The following ITPR2 variants were observed in gnomAD, a reference collection of about 807,000 sequenced individuals.
ITPR2 encodes inositol 1,4,5-trisphosphate-gated calcium channel ITPR2.
A neutral mutation model predicts 317.1 loss-of-function variants in ITPR2; 207 were observed. That is an observed-to-expected ratio of 0.65 (90% CI 0.58 to 0.73). The LOEUF is 0.73. ITPR2 is among the 30% of genes least tolerant of loss of function. ITPR2 has a pLI of 0.00. For missense variants in ITPR2, 2,613 were observed against 3,284.0 expected, an observed-to-expected ratio of 0.80 and a Z score of 4.99; for synonymous variants, 1,156 against 1,149.1, an observed-to-expected ratio of 1.01 and a Z score of -0.12.
chr12:26,373,351 CCT>C (rs1939242538), intron 55 of ITPR2, among the ~76,000 whole-genome samples: 1 of 152,192 alleles, frequency 6.6e-6, no homozygotes, highest in African/African-American at 2.4e-5. Context: ...CATAGGCCTA[CCT>C]AGTGCATCCA....
intron 9 of ITPR2, among the ~76,000 whole-genome samples, chr12:26,698,025 G>C (rs1034172374): frequency 6.6e-6 from 1 of 152,090 alleles, no homozygotes. Context: ...ATGATAATTA[G>C]AAAAAGAAAA....
chr12:26,810,045 T>G (rs1950707716), intron 1 of ITPR2, among the ~76,000 whole-genome samples: 1 of 152,262 alleles, frequency 6.6e-6, no homozygotes, highest in South Asian at 2.1e-4. Context: ...CGCAAGATGA[T>G]GGCATCTCCT....
At chr12:26,407,507 C>G (rs879633553) in intron 52 of ITPR2, among the ~76,000 whole-genome samples, 13 of 151,856 alleles carry the variant, frequency 8.6e-5, no homozygotes, top group Non-Finnish European at 1.5e-4. Flanking sequence ...GGGGTGGGGA[C>G]AAAATCAACT....
Position 26,724,665 on chromosome 12 carries a change from A to T in ITPR2, c.357T>A (p.Asn119Lys). The T allele has an allele frequency of 6.4e-7, 1 of 1,574,290 alleles. No homozygotes were observed. Among genetic ancestry groups the T allele is most frequent in the Non-Finnish European group, 8.7e-7 (1 of 1,146,614 alleles). ...AAGAGAAAATACTTACTTGTATAAC[A>T]TTACTGTATTTTACAATTTCTCCCA... Reference protein sequence around the residue: ...KLLGEIVKYSNVIQLLHIKSN... With the variant: ...KLLGEIVKYSKVIQLLHIKSN... The change falls in exon 4 of 57, where the codon AAT becomes AAA. Residue 119 changes from asparagine (N) to lysine (K), a missense_variant. Asn to Lys is a moderately conservative substitution (Grantham distance 94). Coordinates refer to ENST00000381340, the MANE Select transcript of ITPR2 (RefSeq NM_002223.4).
At position 26,343,430 on chromosome 12, in the gene ITPR2, T is replaced by C. The variant is rs1938201330; in HGVS notation, c.7858-3102A>G. Reference sequence around the variant, plus strand: ...TTAGTGTTTAATGGATGCAGACTATTAGCTGGAGAAGATGAGAAATTTCTG... The same window carrying C: ...TTAGTGTTTAATGGATGCAGACTATCAGCTGGAGAAGATGAGAAATTTCTG... On this transcript the variant is annotated intron_variant, in intron 55 of 56. Coordinates refer to ENST00000381340, the MANE Select transcript of ITPR2 (RefSeq NM_002223.4). 2.0e-5 allele frequency among the ~76,000 whole-genome samples: 3 copies of C among 152,232 alleles called. No homozygotes were observed. In the South Asian group the frequency reaches 6.2e-4, roughly 31 times the overall value.
At position 26,487,173 on chromosome 12, in the gene ITPR2, C is replaced by T; in HGVS notation, c.5449G>A (p.Ala1817Thr). Residue 1817 changes from alanine to threonine, a missense_variant, in exon 40 of 57, where the codon GCT becomes ACT. Transcript: ENST00000381340. ...FKVLYDRMKAAQKEIRSTVTV... is the reference protein window; with the variant it reads ...FKVLYDRMKATQKEIRSTVTV... ...ACTGTTGATCTTATTTCTTTCTGAGCAGCCTTCATTCGATCATAGAGAACT... is the reference window on the plus strand; with the variant it reads ...ACTGTTGATCTTATTTCTTTCTGAGTAGCCTTCATTCGATCATAGAGAACT... 2 of 1,613,204 alleles carry T rather than the reference C, an allele frequency of 1.2e-6. No homozygotes were observed. The highest frequency in any genetic ancestry group is 3.3e-5 in the Admixed American group (2 of 59,900).
chr12:26,427,242 G>A (rs1941087211), intron 49 of ITPR2, among the ~76,000 whole-genome samples: 1 of 152,088 alleles, frequency 6.6e-6, no homozygotes, highest in Non-Finnish European at 1.5e-5. Flanking sequence ...TAGCCTGATG[G>A]TTTTACCTTT....
chr12:26,785,939 CGTCTGGGA>C (rs1422515307), intron 2 of ITPR2, among the ~76,000 whole-genome samples: 1 of 55,118 alleles, frequency 1.8e-5, no homozygotes, highest in Non-Finnish European at 4.2e-5. Context: ...GCCAGGACCC[CGTCTGGGA>C]GGTGTGCCCA....
intron 2 of ITPR2, among the ~76,000 whole-genome samples, chr12:26,777,762 T>C (rs1950001628): frequency 6.6e-6 from 1 of 152,178 alleles, no homozygotes; most frequent in African/African-American, 2.4e-5. Flanking sequence ...CTAGAACCAC[T>C]TGAATGAAGG....
chr12:26,488,388 T>C (rs2136855481), intron 39 of ITPR2, among the ~76,000 whole-genome samples: 1 of 152,180 alleles, frequency 6.6e-6, no homozygotes, highest in Middle Eastern at 3.4e-3. Flanking sequence ...TGCTTTCCTT[T>C]AGGAATTCCT....
intron 37 of ITPR2, among the ~76,000 whole-genome samples, chr12:26,522,539 G>A (rs1943692268): frequency 6.6e-6 from 1 of 152,152 alleles, no homozygotes; most frequent in Non-Finnish European, 1.5e-5. Flanking sequence ...AGTCACCTCT[G>A]AGCAGTGCGA....
At chr12:26,553,261 T>A (rs1944573581) in intron 36 of ITPR2, among the ~76,000 whole-genome samples, 3 of 152,222 alleles carry the variant, frequency 2.0e-5, no homozygotes, top group Non-Finnish European at 4.4e-5. Flanking sequence ...TGGACTCTAA[T>A]CAGCCGCCTT....
intron 55 of ITPR2, among the ~76,000 whole-genome samples, chr12:26,386,697 C>G (rs975650643): frequency 1.3e-5 from 2 of 151,966 alleles, no homozygotes; most frequent in African/African-American, 4.8e-5. Context: ...CAATCTATAG[C>G]TATATTTAAT....
At chr12:26,646,317 A>G (rs983310084) in intron 21 of ITPR2, among the ~76,000 whole-genome samples, 1 of 151,892 alleles carries the variant, frequency 6.6e-6, no homozygotes, top group African/African-American at 2.4e-5. Flanking sequence ...TTTCTCACCC[A>G]TAAAGCAATA....
intron 34 of ITPR2, among the ~76,000 whole-genome samples, chr12:26,564,888 TG>T (rs1944907988): frequency 6.6e-5 from 10 of 152,322 alleles, no homozygotes; most frequent in East Asian, 3.9e-4. Flanking sequence ...TGCTAATTTA[TG>T]GCCAGCCGTA....
Position 26,506,121 on chromosome 12 carries a change from C to T in ITPR2, c.5074-10861G>A, listed in dbSNP as rs372663213. Among the ~76,000 whole-genome samples, 165 of 151,724 alleles carry T rather than the reference C, an allele frequency of 1.1e-3. 5 individuals are homozygous for T. The South Asian group carries it at 0.034, about 31-fold the overall frequency. ...TACTGGCTCATGCCTGTAATCCCAG[C>T]ACTTTAGGAGGCCAAGGCAGAAGGA... On this transcript the variant is annotated intron_variant, in intron 37 of 56. Coordinates refer to ENST00000381340, the MANE Select transcript of ITPR2 (RefSeq NM_002223.4).
At chr12:26,592,171 T>A (rs1323811469) in intron 32 of ITPR2, among the ~76,000 whole-genome samples, 1 of 152,238 alleles carries the variant, frequency 6.6e-6, no homozygotes, top group Non-Finnish European at 1.5e-5. Flanking sequence ...TTTTGCCTGT[T>A]CTCACTTATT....
At position 26,496,540 on chromosome 12, in the gene ITPR2, T is replaced by G. The variant is rs1591830740; in HGVS notation, c.5074-1280A>C. ...CTGAACCTTGCTTTCCTAAGCTTCT[T>G]ATTCTGTTTCCACTTAGATTTCCTT... On this transcript the variant is annotated intron_variant, in intron 37 of 56. Transcript: ENST00000381340. Among the ~76,000 whole-genome samples, 3 of 152,248 alleles carry G rather than the reference T, an allele frequency of 2.0e-5. No individual in the cohort carries two copies. In the South Asian group the frequency reaches 6.2e-4, roughly 32 times the overall value.
intron 20 of ITPR2, among the ~76,000 whole-genome samples, chr12:26,655,249 A>T (rs1947344345): frequency 6.6e-6 from 1 of 152,248 alleles, no homozygotes; most frequent in African/African-American, 2.4e-5. Context: ...ATCAAGGGAA[A>T]TAGTAATTAA....
Sources: allele counts gnomAD v4.1 joint callset (sites outside exome capture counted in the v4.1 genomes callset), GRCh38; gene constraint gnomAD v4.1.1; transcripts MANE v1.5; gene names NCBI Gene and HGNC (gene_info 2026-07-23, HGNC 2026-07-21).